SLC71A1: variants seen among roughly 807,000 people sequenced by gnomAD.
SLC71A1 encodes hippocampus abundant gene transcript 1.
the SLC71A1 span, among the ~76,000 whole-genome samples, chr1:100,043,441 T>TA: frequency 2.0e-5 from 3 of 152,224 alleles, no homozygotes; most frequent in Non-Finnish European, 2.9e-5. Flanking sequence ...CCCTGTTTTT[T>TA]AAAAAATAAA....
chr1:100,066,754 C>T, the SLC71A1 span, among the ~76,000 whole-genome samples: 1 of 152,070 alleles, frequency 6.6e-6, no homozygotes, highest in Non-Finnish European at 1.5e-5. Context: ...CTTTGGGAGG[C>T]CGAGGCGGGC....
At chr1:100,068,530 C>A in the SLC71A1 span, 1 of 1,614,008 alleles carries the variant, frequency 6.2e-7, no homozygotes, top group African/African-American at 1.3e-5. Context: ...TACAGTGTTT[C>A]TCTCCTACCT....
chr1:100,051,882 C>A, the SLC71A1 span, among the ~76,000 whole-genome samples: 1 of 152,162 alleles, frequency 6.6e-6, no homozygotes, highest in African/African-American at 2.4e-5. Flanking sequence ...ATGTATTCCA[C>A]TTTGAATACA....
At chr1:100,077,960 C>T in the SLC71A1 span, among the ~76,000 whole-genome samples, 1 of 152,164 alleles carries the variant, frequency 6.6e-6, no homozygotes, top group Non-Finnish European at 1.5e-5. Flanking sequence ...AAGAGGTGCT[C>T]ACAATTGAAA....
the SLC71A1 span, among the ~76,000 whole-genome samples, chr1:100,068,815 C>T: frequency 0.043 from 6,613 of 152,050 alleles, 334 homozygotes; most frequent in African/African-American, 0.12. Flanking sequence ...AAATCCTATG[C>T]TTACTAAAAA....
chr1:100,070,924 G>A, the SLC71A1 span, among the ~76,000 whole-genome samples: 1 of 152,002 alleles, frequency 6.6e-6, no homozygotes, highest in East Asian at 1.9e-4. Context: ...GATTCATTCT[G>A]TTTTGGTGAG....
chr1:100,072,368 G>C, the SLC71A1 span, among the ~76,000 whole-genome samples: 5 of 151,908 alleles, frequency 3.3e-5, no homozygotes, highest in Non-Finnish European at 5.9e-5. Flanking sequence ...CCTTTTCTGG[G>C]TCCCCATGCT....
At chr1:100,070,192 CA>C in the SLC71A1 span, among the ~76,000 whole-genome samples, 1 of 152,070 alleles carries the variant, frequency 6.6e-6, no homozygotes, top group Admixed American at 6.6e-5. Context: ...CTTAAGGGCA[CA>C]GGGGGCATGG....
chr1:100,046,872 A>G, the SLC71A1 span, among the ~76,000 whole-genome samples: 2 of 152,096 alleles, frequency 1.3e-5, no homozygotes, highest in Admixed American at 1.3e-4. Flanking sequence ...TCTTTTTCAG[A>G]TATTTGCTGT....
At chr1:100,043,606 G>A in the SLC71A1 span, among the ~76,000 whole-genome samples, 1 of 152,094 alleles carries the variant, frequency 6.6e-6, no homozygotes, top group Non-Finnish European at 1.5e-5. Flanking sequence ...GGGTACAGGT[G>A]GGTTTTTGGT....
At chr1:100,054,955 TAAAG>T in the SLC71A1 span, among the ~76,000 whole-genome samples, 2 of 152,026 alleles carry the variant, frequency 1.3e-5, no homozygotes, top group East Asian at 1.9e-4. Context: ...GTTGGCCAGA[TAAAG>T]AAAGGGAAGA....
the SLC71A1 span, among the ~76,000 whole-genome samples, chr1:100,059,146 T>TTTTTTTTTTTTG: frequency 3.0e-5 from 3 of 99,748 alleles, no homozygotes; most frequent in African/African-American, 1.5e-4. Flanking sequence ...TTTTTCGTGT[T>TTTTTTTTTTTTG]TTTTTTTTTT....
chr1:100,040,460 TTTTG>T, the SLC71A1 span, among the ~76,000 whole-genome samples: 142 of 152,270 alleles, frequency 9.3e-4, 1 homozygote, highest in East Asian at 5.0e-3. Context: ...TATGAACTTT[TTTTG>T]TTTGTTTGTT....
chr1:100,074,263 C>T, the SLC71A1 span, among the ~76,000 whole-genome samples: 1 of 152,118 alleles, frequency 6.6e-6, no homozygotes, highest in Non-Finnish European at 1.5e-5. Flanking sequence ...TTTAATGACT[C>T]ATCTCATGGC....
chr1:100,050,069 A>G, the SLC71A1 span: 1 of 865,508 alleles, frequency 1.2e-6, no homozygotes, highest in Non-Finnish European at 1.9e-6. Context: ...TTTTGGAGGA[A>G]AATGTGGGCC....
At chr1:100,076,531 GT>G in the SLC71A1 span, among the ~76,000 whole-genome samples, 2 of 152,122 alleles carry the variant, frequency 1.3e-5, no homozygotes, top group Non-Finnish European at 2.9e-5. Flanking sequence ...CCATGACAAG[GT>G]TTTGAAATAG....
the SLC71A1 span, chr1:100,069,772 G>T: frequency 1.2e-6 from 1 of 821,930 alleles, no homozygotes; most frequent in South Asian, 1.4e-5. Context: ...GTATCTTGGT[G>T]GAATCAACAA....
chr1:100,052,673 G>A, the SLC71A1 span, among the ~76,000 whole-genome samples: 3 of 151,718 alleles, frequency 2.0e-5, no homozygotes, highest in Admixed American at 2.0e-4. Context: ...CTCGTGATCC[G>A]CCCGCCTTGG....
chr1:100,038,262 C>T, the SLC71A1 span: 4 of 1,560,824 alleles, frequency 2.6e-6, no homozygotes, highest in Admixed American at 5.7e-5. Context: ...AGAAACGGGC[C>T]GCGAACCGCA....
Sources: gnomAD v4.1 joint callset for allele counts (sites outside exome capture counted in the v4.1 genomes callset) on GRCh38, gnomAD v4.1.1 for gene constraint, MANE v1.5 for transcripts, NCBI Gene and HGNC (gene_info 2026-07-23, HGNC 2026-07-21) for gene names.